THRB: variants seen among roughly 807,000 people sequenced by gnomAD.
The protein encoded by THRB is nuclear receptor subfamily 1 group A member 2.
In THRB, 12 loss-of-function variants were observed where a neutral mutation model predicts 47.8. The observed-to-expected ratio is 0.25, with a 90% CI of 0.16 to 0.41. The LOEUF (loss-of-function observed/expected upper bound fraction) is 0.41, where lower values mean the gene tolerates loss of function less well. Among genes scored for constraint, THRB ranks in the 10% least tolerant of loss-of-function variants. The pLI, the probability that THRB is intolerant of heterozygous loss-of-function variation, is 1.00. For missense variants in THRB, 348 were observed against 589.2 expected, an observed-to-expected ratio of 0.59 and a Z score of 4.24; for synonymous variants, 218 against 212.2, an observed-to-expected ratio of 1.03 and a Z score of -0.24.
At chr3:24,334,943 T>C (rs897196550) in intron 2 of THRB, among the ~76,000 whole-genome samples, 2 of 152,218 alleles carry the variant, frequency 1.3e-5, no homozygotes, top group Non-Finnish European at 2.9e-5. Flanking sequence ...GTATACAACA[T>C]GTGTAACGTT....
chr3:24,414,742 C>T (rs1459127782), intron 1 of THRB, among the ~76,000 whole-genome samples: 1 of 151,616 alleles, frequency 6.6e-6, no homozygotes, highest in Admixed American at 6.6e-5. Context: ...GAGAGAGATG[C>T]ATTATATTAG....
intron 8 of THRB, among the ~76,000 whole-genome samples, chr3:24,136,416 G>A (rs888421836): frequency 5.9e-5 from 9 of 152,046 alleles, no homozygotes; most frequent in Non-Finnish European, 1.3e-4. Flanking sequence ...GAATTGACCC[G>A]AGTTATTATC....
chr3:24,156,227 A>G (rs2037815790), intron 5 of THRB, among the ~76,000 whole-genome samples: 1 of 152,264 alleles, frequency 6.6e-6, no homozygotes, highest in Non-Finnish European at 1.5e-5. Context: ...TGCAACAGGT[A>G]GTAAGCTTGC....
chr3:24,132,743 CG>C (rs1374862398), intron 9 of THRB, among the ~76,000 whole-genome samples: 1 of 152,140 alleles, frequency 6.6e-6, no homozygotes, highest in Non-Finnish European at 1.5e-5. Flanking sequence ...TAGGAAAAGA[CG>C]AAAGATTTGT....
At chr3:24,188,756 G>A (rs532950888) in intron 5 of THRB, among the ~76,000 whole-genome samples, 8 of 16,966 alleles carry the variant, frequency 4.7e-4, no homozygotes, top group African/African-American at 1.2e-3. Flanking sequence ...ACGCACACAC[G>A]TGCACACACA....
chr3:24,379,019 TC>T (rs1265106397), intron 1 of THRB, among the ~76,000 whole-genome samples: 4 of 152,086 alleles, frequency 2.6e-5, no homozygotes, highest in Admixed American at 2.0e-4. Context: ...TTATAGCAAC[TC>T]AATGAGGAAG....
chr3:24,474,751 G>A (rs142362027), intron 1 of THRB, among the ~76,000 whole-genome samples: 2 of 152,080 alleles, frequency 1.3e-5, no homozygotes, highest in South Asian at 2.1e-4. Context: ...TGTGCTATAC[G>A]TAGGTAATAA....
intron 1 of THRB, among the ~76,000 whole-genome samples, chr3:24,371,809 G>T (rs181438777): frequency 1.3e-5 from 2 of 152,186 alleles, no homozygotes; most frequent in African/African-American, 4.8e-5. Flanking sequence ...TTAGTCTATA[G>T]TTCCATTTTA....
chr3:24,141,253 G>C (rs150768634), intron 8 of THRB, among the ~76,000 whole-genome samples: 1 of 152,344 alleles, frequency 6.6e-6, no homozygotes, highest in East Asian at 1.9e-4. Context: ...GAACTGTTAG[G>C]AGCCTTTAAG....
At chr3:24,200,584 CAT>C (rs1428201017) in intron 4 of THRB, among the ~76,000 whole-genome samples, 2 of 152,284 alleles carry the variant, frequency 1.3e-5, no homozygotes, top group African/African-American at 2.4e-5. Context: ...AGCAGAGTAA[CAT>C]ATAGGTCCTC....
chr3:24,464,096 A>C (rs1290477500), intron 1 of THRB, among the ~76,000 whole-genome samples: 1 of 152,114 alleles, frequency 6.6e-6, no homozygotes, highest in East Asian at 1.9e-4. Context: ...AATACAAAAA[A>C]TTAGCCGGGC....
rs550038896 is a variant in THRB, at chr3:24,330,309, G to A, written c.-189+6991C>T. 3.1e-4 allele frequency among the ~76,000 whole-genome samples: 46 copies of A among 149,944 alleles called. No homozygotes were observed. The South Asian group carries it at 5.3e-3, about 17-fold the overall frequency. The stretch of plus-strand genomic sequence containing the variant: ...GGCCTGGGCGACAGAGCGAGACTCC[G>A]TCTCAAATAAAAAAAAAAAGATTTC... On this transcript the variant is annotated intron_variant, in intron 2 of 10. Transcript: ENST00000646209.
chr3:24,252,094 A>G (rs912548459), intron 3 of THRB, among the ~76,000 whole-genome samples: 6 of 152,156 alleles, frequency 3.9e-5, no homozygotes, highest in African/African-American at 1.4e-4. Flanking sequence ...GGTATGTGAT[A>G]ATAGTCACTG....
chr3:24,298,728 T>C (rs1029701307), intron 2 of THRB, among the ~76,000 whole-genome samples: 1 of 152,180 alleles, frequency 6.6e-6, no homozygotes, highest in Admixed American at 6.5e-5. Context: ...TTTGGCCTCA[T>C]GTTCCTCTTA....
chr3:24,338,736 C>T (rs2062431089), intron 1 of THRB, among the ~76,000 whole-genome samples: 1 of 152,216 alleles, frequency 6.6e-6, no homozygotes, highest in Non-Finnish European at 1.5e-5. Flanking sequence ...CCTATGACTC[C>T]ATGCAGTGGA....
chr3:24,429,760 C>T (rs147499305), intron 1 of THRB, among the ~76,000 whole-genome samples: 15 of 152,166 alleles, frequency 9.9e-5, no homozygotes, highest in African/African-American at 2.9e-4. Flanking sequence ...CCTCCTGCCT[C>T]GGCCTTCCAA....
intron 1 of THRB, among the ~76,000 whole-genome samples, chr3:24,492,796 T>C (rs954016467): frequency 6.6e-6 from 1 of 152,244 alleles, no homozygotes; most frequent in Admixed American, 6.5e-5. Context: ...TGTCAGTTGC[T>C]TTATGTAACA....
chr3:24,182,862 T>C (rs1466922505), intron 5 of THRB, among the ~76,000 whole-genome samples: 1 of 152,226 alleles, frequency 6.6e-6, no homozygotes, highest in Non-Finnish European at 1.5e-5. Context: ...CCTGCATCTT[T>C]ACCTGACAGT....
At chr3:24,318,631 A>G (rs1194585566) in intron 2 of THRB, 1 of 152,242 alleles carries the variant, frequency 6.6e-6, no homozygotes, top group Non-Finnish European at 1.5e-5. Context: ...TTGCTTTCTC[A>G]ATGCCCAGCA....
Sources: gnomAD v4.1 joint callset for allele counts (sites outside exome capture counted in the v4.1 genomes callset) on GRCh38, gnomAD v4.1.1 for gene constraint, MANE v1.5 for transcripts, NCBI Gene and HGNC (gene_info 2026-07-23, HGNC 2026-07-21) for gene names.